The following LPCAT3 variants were observed in gnomAD, a reference collection of about 807,000 sequenced individuals.
LPCAT3 encodes lysophospholipid acyltransferase 5.
A neutral mutation model predicts 63.4 loss-of-function variants in LPCAT3; 21 were observed. The observed-to-expected ratio is 0.33, with a 90% CI of 0.23 to 0.48. LPCAT3 has a LOEUF of 0.48. Among genes scored for constraint, LPCAT3 ranks in the 20% least tolerant of loss-of-function variants. The pLI is 0.99. For missense variants in LPCAT3, 451 were observed against 590.6 expected (o/e 0.76, Z 2.45); for synonymous variants, 242 against 227.5 (o/e 1.06, Z -0.58).
In LPCAT3 at chr12:6,994,854, TC is replaced by T. The variant is rs1946623972; in HGVS notation, c.152-11316del. Among the ~76,000 whole-genome samples the T allele has an allele frequency of 2.6e-5, 4 of 152,220 alleles. 1 individual carries two copies. The South Asian group carries it at 8.3e-4, about 31-fold the overall frequency. On this transcript the variant is annotated intron_variant, in intron 1 of 12. Coordinates refer to ENST00000261407, the MANE Select transcript of LPCAT3 (RefSeq NM_005768.6). ...CGTTTCTTTCACCGAAGGCATTTTTTCTGGCTCCTAGATGTTGCTGACCCCC... is the reference window on the plus strand; with the variant it reads ...CGTTTCTTTCACCGAAGGCATTTTTTTGGCTCCTAGATGTTGCTGACCCCC...
chr12:6,986,218 C>T (rs1160971280), intron 1 of LPCAT3, among the ~76,000 whole-genome samples: 7 of 152,192 alleles, frequency 4.6e-5, no homozygotes, highest in African/African-American at 1.7e-4. Context: ...TCTGCCACTG[C>T]TGAGATGGCA....
At position 6,981,177 on chromosome 12, in the gene LPCAT3, G is replaced by C. The variant is rs782105041; in HGVS notation, c.504C>G (p.Ser168=). The C allele has an allele frequency of 6.2e-7, 1 of 1,605,634 alleles. No individual in the cohort carries two copies. Among genetic ancestry groups the C allele is most frequent in the African/African-American group, 1.3e-5 (1 of 74,388 alleles). ...CATATTTCTGTTGCTCAGAGGACAAGGAATTCTATGCCAAGAAGAGAATGC... is the reference window on the plus strand; with the variant it reads ...CATATTTCTGTTGCTCAGAGGACAACGAATTCTATGCCAAGAAGAGAATGC... ...DYFDGGKDQN[S]LSSEQQKYAI... The change falls in exon 6 of 13, where the codon TCC becomes TCG. Residue 168 remains serine (S), a synonymous_variant. Transcript: ENST00000261407.
intron 5 of LPCAT3, 154 bp from the exon 6 acceptor site, chr12:6,981,336 C>G: frequency 2.9e-6 from 2 of 693,066 alleles, no homozygotes; most frequent in South Asian, 1.9e-5. Context: ...TGTGGAAATG[C>G]GTATGTGTGT....
intron 1 of LPCAT3, among the ~76,000 whole-genome samples, chr12:7,001,965 A>G (rs1294219903): frequency 6.6e-6 from 1 of 152,068 alleles, no homozygotes; most frequent in African/African-American, 2.4e-5. Context: ...AGTTGAGGTA[A>G]CCTGCATTTT....
chr12:6,984,106 G>A, intron 1 of LPCAT3, among the ~76,000 whole-genome samples: 1 of 152,148 alleles, frequency 6.6e-6, no homozygotes, highest in East Asian at 1.9e-4. Flanking sequence ...TTAATATCAG[G>A]CTAAATACTG....
chr12:7,002,869 C>T (rs1555156612), intron 1 of LPCAT3, among the ~76,000 whole-genome samples: 2 of 152,038 alleles, frequency 1.3e-5, no homozygotes, highest in African/African-American at 4.8e-5. Flanking sequence ...GTTAGCTGGG[C>T]GTGGTGGCGG....
intron 1 of LPCAT3, among the ~76,000 whole-genome samples, chr12:6,996,888 C>T (rs891938270): frequency 2.6e-5 from 4 of 151,938 alleles, no homozygotes; most frequent in Admixed American, 6.6e-5. Context: ...AAAGACACAG[C>T]GGTAGGAAGG....
chr12:6,987,975 G>A lies in LPCAT3; in HGVS notation c.152-4436C>T, dbSNP rs1017880262. ...AACAGTCACCTCTTGAACTTTTGGG[G>A]TGCTTGGCAATAGTTCCTCTCCCTA... On this transcript the variant is annotated intron_variant, in intron 1 of 12. Coordinates refer to ENST00000261407, the MANE Select transcript of LPCAT3 (RefSeq NM_005768.6). The surrounding 1 kb of genome is among the most constrained non-coding windows in gnomAD (Gnocchi z 4.1). 7 of 396,552 alleles carry A rather than the reference G, an allele frequency of 1.8e-5. No homozygotes were observed. In the Admixed American group the frequency reaches 2.7e-4, roughly 15 times the overall value. The allele number at this position is 396,552 out of a possible 1,614,324, so 24.6% of individuals were successfully genotyped here. A position where few individuals can be genotyped will look rare whatever the true frequency, so the allele number is the denominator to read the frequency against.
intron 1 of LPCAT3, among the ~76,000 whole-genome samples, chr12:7,009,418 A>G (rs1192288847): frequency 1.3e-5 from 2 of 152,228 alleles, no homozygotes; most frequent in Non-Finnish European, 2.9e-5. Context: ...AGGCACCGGA[A>G]GAAATATGCT....
At position 6,978,555 on chromosome 12, in the gene LPCAT3, C is replaced by T. The variant is rs782268991; in HGVS notation, c.873+48G>A. On this transcript the variant is annotated intron_variant, in intron 8 of 12. Coordinates refer to ENST00000261407, the MANE Select transcript of LPCAT3 (RefSeq NM_005768.6). The stretch of plus-strand genomic sequence containing the variant: ...GGGCTCTTGCCACTCCCCATACTGG[C>T]CCCCATGGCTTGTCTAAATAGGACC... The T allele has an allele frequency of 1.9e-6, 3 of 1,612,698 alleles. No individual in the cohort carries two copies. In the South Asian group the frequency reaches 3.3e-5, roughly 18 times the overall value.
chr12:6,980,979 C>T, intron 6 of LPCAT3, 25 bp downstream of exon 6: 1 of 1,557,374 alleles, frequency 6.4e-7, no homozygotes, highest in Non-Finnish European at 8.7e-7. Flanking sequence ...CCTACACAAA[C>T]ATCTGGACCA....
At chr12:6,978,038 G>T (rs1331591811) in intron 9 of LPCAT3, 3 of 560,748 alleles carry the variant, frequency 5.3e-6, no homozygotes, top group Non-Finnish European at 6.3e-6. Flanking sequence ...CCACACTCTA[G>T]TGGTGGGGAC....
intron 7 of LPCAT3, chr12:6,979,245 G>T: frequency 1.8e-6 from 1 of 569,998 alleles, no homozygotes; most frequent in South Asian, 2.1e-5. Flanking sequence ...AAGGCAACGG[G>T]TGCTAAATGT....
chr12:7,006,000 G>A (rs1171240217), intron 1 of LPCAT3, among the ~76,000 whole-genome samples: 1 of 151,952 alleles, frequency 6.6e-6, no homozygotes, highest in Admixed American at 6.6e-5. Flanking sequence ...TGATGATCTG[G>A]GGAGAATTTT....
intron 1 of LPCAT3, among the ~76,000 whole-genome samples, chr12:7,011,201 A>T (rs902111088): frequency 6.6e-6 from 1 of 151,944 alleles, no homozygotes; most frequent in Admixed American, 6.6e-5. Flanking sequence ...AGCCCAGTTA[A>T]TTTTGTTCAC....
rs1555157765 is a variant in LPCAT3 at position 7,018,263 on chromosome 12, A to T, written c.151+11T>A. On this transcript the variant is annotated intron_variant, in intron 1 of 12. Coordinates refer to ENST00000261407, the MANE Select transcript of LPCAT3 (RefSeq NM_005768.6). The surrounding 1 kb of genome is among the most constrained non-coding windows in gnomAD (Gnocchi z 4.9). ...TCCGCGAGGGGCGGAGGGAGGCAGG[A>T]GGGTCCTTACCCAGGAAGATGGAGA... 1.9e-6 allele frequency: 3 copies of T among 1,592,448 alleles called. No homozygotes were observed. The African/African-American group carries it at 4.0e-5, about 21-fold the overall frequency.
chr12:6,978,672 G>A lies in LPCAT3; in HGVS notation c.804C>T (p.Phe268=), dbSNP rs1555153654. 3.1e-6 allele frequency: 5 copies of A among 1,614,070 alleles called. No homozygotes were observed. The South Asian group carries it at 5.5e-5, about 18-fold the overall frequency. Residue 268 remains phenylalanine, a synonymous_variant, in exon 8 of 13, where the codon TTC becomes TTT. Coordinates refer to ENST00000261407, the MANE Select transcript of LPCAT3 (RefSeq NM_005768.6). ...TEDYDNHPFW[F]RCMYMLIWGK... The stretch of plus-strand genomic sequence containing the variant: ...CCCAGATCAGCATGTACATGCAGCG[G>A]AACCAGAAGGGGTGGTTCTTGAGGG...
intron 1 of LPCAT3, among the ~76,000 whole-genome samples, chr12:7,008,051 C>T (rs782367263): frequency 7.9e-5 from 12 of 152,226 alleles, no homozygotes; most frequent in African/African-American, 2.2e-4. Context: ...TCATCTAGCT[C>T]ACTATCTTCA....
intron 1 of LPCAT3, among the ~76,000 whole-genome samples, chr12:6,998,292 A>C (rs1351065501): frequency 6.6e-6 from 1 of 152,234 alleles, no homozygotes; most frequent in Non-Finnish European, 1.5e-5. Context: ...TTGGCATTAC[A>C]GGTGTGAGCT....
Sources: gnomAD v4.1 joint callset for allele counts (sites outside exome capture counted in the v4.1 genomes callset) on GRCh38, gnomAD v4.1.1 for gene constraint, Gnocchi (gnomAD v3.1) non-coding constraint, MANE v1.5 for transcripts, NCBI Gene and HGNC (gene_info 2026-07-23, HGNC 2026-07-21) for gene names.